The following KHDRBS2 variants were observed in gnomAD, a reference collection of about 807,000 sequenced individuals.
KHDRBS2 encodes the protein KH RNA binding domain containing, signal transduction associated 2.
Under a neutral mutation model 44.3 loss-of-function variants are expected in KHDRBS2, and 26 were observed. The observed-to-expected ratio is 0.59, with a 90% CI of 0.43 to 0.81. The LOEUF (loss-of-function observed/expected upper bound fraction) is 0.81. Ranked by LOEUF, KHDRBS2 falls within the 40% of genes least tolerant of loss-of-function variation. The pLI, the probability that KHDRBS2 is intolerant of heterozygous loss-of-function variation, is 0.00. For synonymous variants in KHDRBS2, 194 were observed against 151.1 expected (o/e 1.28, Z -2.08); for missense variants, 476 against 433.1 (o/e 1.10, Z -0.88).
At chr6:61,591,548 C>A in the KHDRBS2 span, among the ~76,000 whole-genome samples, 3 of 152,088 alleles carry the variant, frequency 2.0e-5, no homozygotes, top group South Asian at 2.1e-4. Context: ...GTATCTCGTG[C>A]ACCTAGAGTA....
intron 4 of KHDRBS2, among the ~76,000 whole-genome samples, chr6:61,919,921 CT>C (rs66475279): frequency 0.87 from 131,812 of 151,702 alleles, 57,722 homozygotes; most frequent in African/African-American, 0.95. Context: ...CTTTAGTACT[CT>C]TTTTTTCCTC....
At chr6:62,241,802 T>C (rs976334130) in intron 1 of KHDRBS2, among the ~76,000 whole-genome samples, 13 of 148,974 alleles carry the variant, frequency 8.7e-5, no homozygotes, top group Admixed American at 8.6e-4. Context: ...ATTCAAGATT[T>C]GTGAGCCAAG....
intron 7 of KHDRBS2, among the ~76,000 whole-genome samples, chr6:61,708,170 G>T (rs1193634514): frequency 6.6e-6 from 1 of 151,406 alleles, no homozygotes; most frequent in Non-Finnish European, 1.5e-5. Flanking sequence ...TATTTGCTTT[G>T]CTGAGAATTC....
In KHDRBS2 at chr6:61,962,106, TA is replaced by T. The variant is rs137954952; in HGVS notation, c.483+15959del. 3.0e-3 allele frequency among the ~76,000 whole-genome samples: 452 copies of T among 152,184 alleles called. 20 individuals carry two copies. In the East Asian group the frequency reaches 0.08, roughly 27 times the overall value. On this transcript the variant is annotated intron_variant, in intron 4 of 8. Coordinates refer to ENST00000281156, the MANE Select transcript of KHDRBS2 (RefSeq NM_152688.4). ...AGTATATCTTACAGGCAATCTTCAA[TA>T]AACACTATTTCTCACAAGTAAGCTT...
At chr6:61,946,255 A>C (rs2127380307) in intron 4 of KHDRBS2, among the ~76,000 whole-genome samples, 1 of 152,344 alleles carries the variant, frequency 6.6e-6, no homozygotes, top group African/African-American at 2.4e-5. Context: ...TTAATCACTC[A>C]GGTTACATTC....
At chr6:61,735,756 A>T (rs1236591414) in intron 6 of KHDRBS2, among the ~76,000 whole-genome samples, 3 of 152,008 alleles carry the variant, frequency 2.0e-5, no homozygotes, top group African/African-American at 7.2e-5. Context: ...GTTACTGGAA[A>T]TTTTTCAATT....
intron 8 of KHDRBS2, among the ~76,000 whole-genome samples, chr6:61,692,883 C>A (rs1170918815): frequency 2.0e-5 from 3 of 151,938 alleles, no homozygotes; most frequent in African/African-American, 7.2e-5. Context: ...TCTGAGACTC[C>A]TCACATAACT....
intron 1 of KHDRBS2, among the ~76,000 whole-genome samples, chr6:62,189,522 A>T (rs474068): frequency 6.6e-6 from 1 of 151,860 alleles, no homozygotes; most frequent in Admixed American, 6.6e-5. Context: ...ATCATGAGAC[A>T]GAACTTTTAT....
At chr6:61,973,074 C>T (rs1028187114) in intron 4 of KHDRBS2, among the ~76,000 whole-genome samples, 4 of 152,066 alleles carry the variant, frequency 2.6e-5, no homozygotes, top group Non-Finnish European at 4.4e-5. Context: ...GAGAAGGTTG[C>T]AGTGAGCTGA....
the KHDRBS2 span, among the ~76,000 whole-genome samples, chr6:61,658,153 T>C: frequency 6.6e-6 from 1 of 151,886 alleles, no homozygotes; most frequent in Admixed American, 6.6e-5. Context: ...TTGCATTTAT[T>C]AGCTGTGATT....
chr6:61,985,206 G>A (rs781126545), intron 3 of KHDRBS2, among the ~76,000 whole-genome samples: 72 of 152,226 alleles, frequency 4.7e-4, no homozygotes, highest in Non-Finnish European at 7.8e-4. Context: ...AGTCTAAAGA[G>A]AAAGGTCCTA....
chr6:62,015,556 CT>C (rs1224211974), intron 3 of KHDRBS2, among the ~76,000 whole-genome samples: 6 of 152,084 alleles, frequency 3.9e-5, no homozygotes, highest in Admixed American at 3.3e-4. Context: ...TAAAAGTCCC[CT>C]GATCCTTCTT....
At chr6:61,561,324 A>T in the KHDRBS2 span, among the ~76,000 whole-genome samples, 2 of 152,044 alleles carry the variant, frequency 1.3e-5, no homozygotes, top group African/African-American at 4.8e-5. Flanking sequence ...ACCTGAAGCT[A>T]TTACAGTACT....
At chr6:62,151,360 TCA>T (rs909332209) in intron 2 of KHDRBS2, among the ~76,000 whole-genome samples, 14 of 152,288 alleles carry the variant, frequency 9.2e-5, no homozygotes, top group African/African-American at 3.4e-4. Context: ...CACTTCACAA[TCA>T]CAGTCCCAGA....
Position 62,161,573 on chromosome 6 carries a change from C to CGGGGTG in KHDRBS2, c.219+15611_219+15612insCACCCC, listed in dbSNP as rs1554445314. On this transcript the variant is annotated intron_variant, in intron 2 of 8. Transcript: ENST00000281156. ...GAGCATCCGAGAATTTTGGTATTTG[C>CGGGGTG]GGGGGGGGGGGGGGTCCCAGAACAA... Among the ~76,000 whole-genome samples, 7 of 33,346 alleles carry CGGGGTG rather than the reference C, an allele frequency of 2.1e-4. No individual in the cohort carries two copies. The East Asian group carries it at 8.6e-3, about 41-fold the overall frequency. 21.9% of individuals were successfully genotyped at this position (33,346 alleles called of 152,430 possible). A position where few individuals can be genotyped will look rare whatever the true frequency, so the allele number is the denominator to read the frequency against.
chr6:61,656,520 A>G, the KHDRBS2 span, among the ~76,000 whole-genome samples: 1 of 152,008 alleles, frequency 6.6e-6, no homozygotes, highest in African/African-American at 2.4e-5. Flanking sequence ...AGAGACGTAT[A>G]TTTATATTGC....
intron 4 of KHDRBS2, among the ~76,000 whole-genome samples, chr6:61,909,356 A>G (rs1441834944): frequency 1.3e-5 from 2 of 152,158 alleles, no homozygotes; most frequent in Non-Finnish European, 1.5e-5. Flanking sequence ...GGTATGAGCC[A>G]CCGTGCCTGG....
intron 1 of KHDRBS2, among the ~76,000 whole-genome samples, chr6:62,267,012 C>T (rs1461599323): frequency 6.6e-6 from 1 of 151,962 alleles, no homozygotes. Flanking sequence ...TAAGTTTCTA[C>T]ACTCAAGTCC....
At chr6:61,987,682 G>A (rs1775311033) in intron 3 of KHDRBS2, among the ~76,000 whole-genome samples, 1 of 152,168 alleles carries the variant, frequency 6.6e-6, no homozygotes, top group Non-Finnish European at 1.5e-5. Context: ...ATGGGCATAT[G>A]TGGAAATTCT....
Sources: gnomAD v4.1 joint callset for allele counts (sites outside exome capture counted in the v4.1 genomes callset) on GRCh38, gnomAD v4.1.1 for gene constraint, MANE v1.5 for transcripts, NCBI Gene and HGNC (gene_info 2026-07-23, HGNC 2026-07-21) for gene names.